Variants in PCDHGC3 observed in about 807,000 individuals in gnomAD.
PCDHGC3 encodes the protein protocadherin gamma-C3.
In PCDHGC3, 26 loss-of-function variants were observed where a neutral mutation model predicts 59.2. The ratio of observed to expected loss-of-function variants is 0.44; its 90% CI spans 0.32 to 0.61. The LOEUF (loss-of-function observed/expected upper bound fraction) is 0.61. Ranked by LOEUF, PCDHGC3 falls within the 20% of genes least tolerant of loss-of-function variation. The pLI, the probability that PCDHGC3 is intolerant of heterozygous loss-of-function variation, is 0.05. For missense variants in PCDHGC3, 1,080 were observed against 1,221.8 expected, an observed-to-expected ratio of 0.88 and a Z score of 1.73; for synonymous variants, 487 against 519.7, an observed-to-expected ratio of 0.94 and a Z score of 0.86.
At chr5:141,495,923 T>G (rs1337381299) in intron 2 of PCDHGC3, among the ~76,000 whole-genome samples, 4 of 152,306 alleles carry the variant, frequency 2.6e-5, no homozygotes, top group South Asian at 2.1e-4. Context: ...TTTCTTTGTC[T>G]CTGTCTCTGG....
chr5:141,476,230 G>A lies in PCDHGC3; in HGVS notation c.114G>A (p.Pro38=), dbSNP rs906283645. The change falls in exon 1 of 4, where the codon CCG becomes CCA. Residue 38 remains proline (P), a synonymous_variant. Coordinates refer to ENST00000308177, the MANE Select transcript of PCDHGC3 (RefSeq NM_002588.4). This position sits in a 1 kb window ranked among gnomAD's most constrained non-coding sequence, Gnocchi z 7.6. ...KASTVIHYEI[P]EEREKGFAVG... is the part of the protein sequence containing the mutation. Reference sequence around the variant, plus strand: ...CCACGGTCATTCACTATGAGATCCCGGAGGAAAGAGAGAAGGGTTTCGCTG... The same window carrying A: ...CCACGGTCATTCACTATGAGATCCCAGAGGAAAGAGAGAAGGGTTTCGCTG... The A allele has an allele frequency of 1.2e-6, 2 of 1,614,040 alleles. No homozygotes were observed. Among genetic ancestry groups the A allele is most frequent in the Non-Finnish European group, 1.7e-6 (2 of 1,180,024 alleles).
chr5:141,478,306 G>A lies in PCDHGC3; in HGVS notation c.2190G>A (p.Pro730=), dbSNP rs1316502939. Residue 730 remains proline, a synonymous_variant, in exon 1 of 4, where the codon CCG becomes CCA. Coordinates refer to ENST00000308177, the MANE Select transcript of PCDHGC3 (RefSeq NM_002588.4). ...WKQSRDLYRA[P]VSSLYRTPGP... is the part of the protein sequence containing the mutation. ...AGTCTAGAGACCTATACCGAGCCCC[G>A]GTGAGCTCACTGTACCGAACACCAG... 1.2e-6 allele frequency: 2 copies of A among 1,614,056 alleles called. No individual in the cohort carries two copies. The highest frequency in any genetic ancestry group is 2.2e-5 in the South Asian group (2 of 91,086).
chr5:141,490,908 C>T lies in PCDHGC3; in HGVS notation c.2431-3899C>T, dbSNP rs201078924. On this transcript the variant is annotated intron_variant, in intron 1 of 3. Coordinates refer to ENST00000308177, the MANE Select transcript of PCDHGC3 (RefSeq NM_002588.4). This position sits in a 1 kb window ranked among gnomAD's most constrained non-coding sequence, Gnocchi z 5.4. The stretch of plus-strand genomic sequence containing the variant: ...CATCTCTGCATGTGTTTGTCCTAGA[C>T]GAGAATGATAATGCCCCAGCTGTGC... 42 of 1,613,710 alleles carry T rather than the reference C, an allele frequency of 2.6e-5. No homozygotes were observed. The highest frequency in any genetic ancestry group is 8.3e-5 in the Admixed American group (5 of 60,018).
Position 141,487,165 on chromosome 5 carries a change from C to T in PCDHGC3, c.2431-7642C>T, listed in dbSNP as rs1014219030. The T allele has an allele frequency of 1.9e-6, 3 of 1,612,932 alleles. No homozygotes were observed. The highest frequency in any genetic ancestry group is 2.5e-6 in the Non-Finnish European group (3 of 1,178,918). On this transcript the variant is annotated intron_variant, in intron 1 of 3. Coordinates refer to ENST00000308177, the MANE Select transcript of PCDHGC3 (RefSeq NM_002588.4). The surrounding 1 kb of genome is among the most constrained non-coding windows in gnomAD (Gnocchi z 5.0). ...CTACCTCTGTTACTCTCTTAGTGTC[C>T]TTAGAGGAAGACACTCATCCAGTTG...
chr5:141,495,839 A>G (rs2099764148), intron 2 of PCDHGC3, among the ~76,000 whole-genome samples: 1 of 150,756 alleles, frequency 6.6e-6, no homozygotes, highest in South Asian at 2.1e-4. Flanking sequence ...CCCAGCCTCT[A>G]TGTTTCTCTG....
Position 141,477,102 on chromosome 5 carries a change from C to T in PCDHGC3, c.986C>T (p.Ala329Val). 2.5e-6 allele frequency: 4 copies of T among 1,614,232 alleles called. No homozygotes were observed. The South Asian group carries it at 4.4e-5, about 18-fold the overall frequency. The change falls in exon 1 of 4, where the codon GCC (alanine) becomes GTC (valine). Residue 329 changes from alanine to valine, a missense_variant. Ala to Val is a moderately conservative substitution (Grantham distance 64). Coordinates refer to ENST00000308177, the MANE Select transcript of PCDHGC3 (RefSeq NM_002588.4). This position sits in a 1 kb window ranked among gnomAD's most constrained non-coding sequence, Gnocchi z 4.9. ...EIYIQAKDKG[A>V]NPEGAHCKVL... Reference sequence around the variant, plus strand: ...TACATCCAGGCCAAAGACAAGGGCGCCAATCCCGAAGGAGCACATTGCAAA... The same window carrying T: ...TACATCCAGGCCAAAGACAAGGGCGTCAATCCCGAAGGAGCACATTGCAAA...
chr5:141,486,565 TC>T lies in PCDHGC3; in HGVS notation c.2430+8021del. The T allele has an allele frequency of 6.2e-7, 1 of 1,614,024 alleles. No homozygotes were observed. The highest frequency in any genetic ancestry group is 2.2e-5 in the East Asian group (1 of 44,880). On this transcript the variant is annotated intron_variant, in intron 1 of 3. Transcript: ENST00000308177. This position sits in a 1 kb window ranked among gnomAD's most constrained non-coding sequence, Gnocchi z 5.0. Reference sequence around the variant, plus strand: ...TTCAGAGGTCACATGAGGTGTTTGTTCCTGAGAACAATCGCCCAGGGGACCT... The same window carrying T: ...TTCAGAGGTCACATGAGGTGTTTGTTCTGAGAACAATCGCCCAGGGGACCT...
chr5:141,505,679 G>A (rs1350871637), intron 3 of PCDHGC3, among the ~76,000 whole-genome samples, 198 bp downstream of exon 3: 24 of 152,172 alleles, frequency 1.6e-4, no homozygotes, highest in Non-Finnish European at 3.5e-4. Flanking sequence ...TGGGGGTCCT[G>A]GGATGCCTGG....
At chr5:141,507,931 G>A (rs1442781255) in intron 3 of PCDHGC3, 1 of 152,326 alleles carries the variant, frequency 6.6e-6, no homozygotes, top group African/African-American at 2.4e-5. Context: ...CTGCTGAGAG[G>A]GGTTAAGTAA....
chr5:141,484,591 T>C (rs2099597977), intron 1 of PCDHGC3, among the ~76,000 whole-genome samples: 1 of 152,020 alleles, frequency 6.6e-6, no homozygotes, highest in African/African-American at 2.4e-5. Flanking sequence ...AAGCTACTCA[T>C]TTAGAATACT....
chr5:141,490,042 G>C lies in PCDHGC3; in HGVS notation c.2431-4765G>C. 1 of 1,614,266 alleles carries C rather than the reference G, an allele frequency of 6.2e-7. No individual in the cohort carries two copies. Among genetic ancestry groups the C allele is most frequent in the Non-Finnish European group, 8.5e-7 (1 of 1,180,038 alleles). The stretch of plus-strand genomic sequence containing the variant: ...TCTGCTGCTCCGCCTCAATGCCACT[G>C]ATCCAGACGAGGGCACCAACGGCCA... On this transcript the variant is annotated intron_variant, in intron 1 of 3. Coordinates refer to ENST00000308177, the MANE Select transcript of PCDHGC3 (RefSeq NM_002588.4). This position sits in a 1 kb window ranked among gnomAD's most constrained non-coding sequence, Gnocchi z 5.4.
At chr5:141,488,913 A>G (rs887938731) in intron 1 of PCDHGC3, among the ~76,000 whole-genome samples, 4 of 152,196 alleles carry the variant, frequency 2.6e-5, no homozygotes, top group African/African-American at 7.2e-5. Flanking sequence ...TGTGTTCCCA[A>G]GGTTTCCAGG....
At chr5:141,504,666 G>T (rs2099839952) in intron 2 of PCDHGC3, among the ~76,000 whole-genome samples, 1 of 107,242 alleles carries the variant, frequency 9.3e-6, no homozygotes, top group South Asian at 3.6e-4. Context: ...AGGGCGGGGG[G>T]TGGGGGTTCT....
intron 3 of PCDHGC3, among the ~76,000 whole-genome samples, chr5:141,507,861 C>T (rs538942097): frequency 7.0e-4 from 106 of 152,306 alleles, no homozygotes; most frequent in African/African-American, 2.5e-3. Flanking sequence ...CTTTCACACC[C>T]GCTTCCTAGC....
chr5:141,485,609 G>T lies in PCDHGC3; in HGVS notation c.2430+7063G>T. On this transcript the variant is annotated intron_variant, in intron 1 of 3. Coordinates refer to ENST00000308177, the MANE Select transcript of PCDHGC3 (RefSeq NM_002588.4). The surrounding 1 kb of genome is among the most constrained non-coding windows in gnomAD (Gnocchi z 5.7). ...GCTGGACTTGGAAATTGGGGAGGCA[G>T]CTCCTCCAGGACAGCGTTTCCCGTT... The T allele has an allele frequency of 6.2e-7, 1 of 1,612,256 alleles. No homozygotes were observed. Among genetic ancestry groups the T allele is most frequent in the Non-Finnish European group, 8.5e-7 (1 of 1,178,656 alleles).
intron 2 of PCDHGC3, among the ~76,000 whole-genome samples, chr5:141,499,573 A>AT (rs2099792803): frequency 1.3e-5 from 2 of 152,108 alleles, no homozygotes; most frequent in Non-Finnish European, 2.9e-5. Context: ...AGCTTCAACT[A>AT]ATGCCTTATC....
In PCDHGC3 at chr5:141,485,520, T is replaced by G. The variant is rs2099615008; in HGVS notation, c.2430+6974T>G. On this transcript the variant is annotated intron_variant, in intron 1 of 3. Transcript: ENST00000308177. This position sits in a 1 kb window ranked among gnomAD's most constrained non-coding sequence, Gnocchi z 5.7. ...TTTGTCACCGAAGGTCCTTTGGAAA[T>G]GTACCGAGCAGAGGTAGAGATCGTA... 1 of 1,614,108 alleles carries G rather than the reference T, an allele frequency of 6.2e-7. No homozygotes were observed. The highest frequency in any genetic ancestry group is 8.5e-7 in the Non-Finnish European group (1 of 1,180,012).
chr5:141,488,175 T>C (rs889217562), intron 1 of PCDHGC3, among the ~76,000 whole-genome samples: 1 of 152,168 alleles, frequency 6.6e-6, no homozygotes, highest in Non-Finnish European at 1.5e-5. Context: ...AGTGGTGGCA[T>C]AGATCTTTTG....
Position 141,491,415 on chromosome 5 carries a change from G to GGGT in PCDHGC3, c.2431-3389_2431-3387dup. 1 of 1,614,126 alleles carries GGGT rather than the reference G, an allele frequency of 6.2e-7. No individual in the cohort carries two copies. Among genetic ancestry groups the GGGT allele is most frequent in the Non-Finnish European group, 8.5e-7 (1 of 1,180,034 alleles). ...TTCAGGGAAACGCAGACGGGGACGG[G>GGGT]GGTGGAGGGCAGTGCTGCAGGCGCC... On this transcript the variant is annotated intron_variant, in intron 1 of 3. Transcript: ENST00000308177. The surrounding 1 kb of genome is among the most constrained non-coding windows in gnomAD (Gnocchi z 6.9).
Sources: gnomAD v4.1 joint callset for allele counts (sites outside exome capture counted in the v4.1 genomes callset) on GRCh38, gnomAD v4.1.1 for gene constraint, Gnocchi (gnomAD v3.1) non-coding constraint, MANE v1.5 for transcripts, NCBI Gene and HGNC (gene_info 2026-07-23, HGNC 2026-07-21) for gene names.